MC2R: variants seen among roughly 807,000 people sequenced by gnomAD.
The protein encoded by MC2R is melanocortin 2 receptor.
A neutral mutation model predicts 9.8 loss-of-function variants in MC2R; 9 were observed. That is an observed-to-expected ratio of 0.92 (90% CI 0.55 to 1.60). MC2R has a LOEUF of 1.60. Among genes scored for constraint, MC2R ranks in the 40% most tolerant of loss-of-function variants. The probability of loss-of-function intolerance (pLI) is 0.00; values close to 1 mark genes in which losing one functional copy is unlikely to be tolerated. For synonymous variants in MC2R, 185 were observed against 154.7 expected, an observed-to-expected ratio of 1.20 and a Z score of -1.45; for missense variants, 370 against 389.0, an observed-to-expected ratio of 0.95 and a Z score of 0.41.
chr18:13,909,591 G>C (rs2045433069), intron 1 of MC2R, among the ~76,000 whole-genome samples: 1 of 152,166 alleles, frequency 6.6e-6, no homozygotes, highest in South Asian at 2.1e-4. Flanking sequence ...GTTTCTATCA[G>C]TATGAATGCA....
chr18:13,882,386 GA>G lies in MC2R; in HGVS notation c.*2238del, dbSNP rs1301700185. The G allele has an allele frequency of 2.0e-5, 3 of 152,212 alleles. No individual in the cohort carries two copies. Among genetic ancestry groups the G allele is most frequent in the Non-Finnish European group, 4.4e-5 (3 of 68,036 alleles). The allele number at this position is 152,212 out of a possible 1,614,324, so 9.4% of individuals were successfully genotyped here. The stretch of plus-strand genomic sequence containing the variant: ...GGAATATAGCAGAAGACCTAGAATT[GA>G]AAATGTCTGGAATTGCAAGTTCTCT... On this transcript the variant is annotated 3_prime_UTR_variant, in exon 2 of 2. Coordinates refer to ENST00000327606, the MANE Select transcript of MC2R (RefSeq NM_000529.2).
rs182214699 is a variant in MC2R, at chr18:13,906,154, C to A, written c.-129+9334G>T. On this transcript the variant is annotated intron_variant, in intron 1 of 1. Transcript: ENST00000327606. ...CGTATGTTTATTGCAGCACTATTTACAATAGCAAAGACATGGTACCAACCC... is the reference window on the plus strand; with the variant it reads ...CGTATGTTTATTGCAGCACTATTTAAAATAGCAAAGACATGGTACCAACCC... Among the ~76,000 whole-genome samples, 427 of 152,266 alleles carry A rather than the reference C, an allele frequency of 2.8e-3. 2 individuals carry two copies. Among genetic ancestry groups the A allele is most frequent in the Non-Finnish European group, 4.0e-3 (271 of 68,016 alleles).
chr18:13,889,577 C>G (rs1272134014), intron 1 of MC2R, among the ~76,000 whole-genome samples: 1 of 152,098 alleles, frequency 6.6e-6, no homozygotes, highest in Non-Finnish European at 1.5e-5. Context: ...AACATGGCCC[C>G]GGATAACTCA....
At position 13,897,270 on chromosome 18, in the gene MC2R, T is replaced by C. The variant is rs1246070461; in HGVS notation, c.-128-11624A>G. Among the ~76,000 whole-genome samples, 5 of 152,230 alleles carry C rather than the reference T, an allele frequency of 3.3e-5. No homozygotes were observed. The South Asian group carries it at 8.3e-4, about 25-fold the overall frequency. ...TGGTGTCTTATTAGAATAGAAAAGA[T>C]AACCAGACTACACTCGGCTGACACC... is the stretch of plus-strand genomic sequence containing the variant. On this transcript the variant is annotated intron_variant, in intron 1 of 1. Transcript: ENST00000327606.
At chr18:13,901,824 T>C (rs750527123) in intron 1 of MC2R, among the ~76,000 whole-genome samples, 4 of 152,074 alleles carry the variant, frequency 2.6e-5, no homozygotes, top group Non-Finnish European at 5.9e-5. Flanking sequence ...CTAGTACCAA[T>C]CCTACTCAAA....
At chr18:13,888,408 T>C (rs1401740551) in intron 1 of MC2R, among the ~76,000 whole-genome samples, 1 of 152,238 alleles carries the variant, frequency 6.6e-6, no homozygotes, top group Non-Finnish European at 1.5e-5. Context: ...GTGGCCTTTA[T>C]GAGTGCTCAG....
intron 1 of MC2R, among the ~76,000 whole-genome samples, chr18:13,891,875 C>T (rs1368213312): frequency 1.3e-5 from 2 of 152,214 alleles, no homozygotes; most frequent in African/African-American, 2.4e-5. Flanking sequence ...GTCTTTATTA[C>T]TGATTAGTGC....
chr18:13,904,298 G>A lies in MC2R; in HGVS notation c.-129+11190C>T, dbSNP rs138239120. 2.0e-3 allele frequency among the ~76,000 whole-genome samples: 295 copies of A among 150,218 alleles called. 2 individuals carry two copies. Among genetic ancestry groups the A allele is most frequent in the African/African-American group, 6.8e-3 (276 of 40,780 alleles). ...CCGGAGGCTGAGGCAGGAGAATGGCGTGAACCCGGGAGGCAGAGTTTGCAG... is the reference window on the plus strand; with the variant it reads ...CCGGAGGCTGAGGCAGGAGAATGGCATGAACCCGGGAGGCAGAGTTTGCAG... On this transcript the variant is annotated intron_variant, in intron 1 of 1. Coordinates refer to ENST00000327606, the MANE Select transcript of MC2R (RefSeq NM_000529.2).
chr18:13,913,049 T>C (rs1369793564), intron 1 of MC2R, among the ~76,000 whole-genome samples: 4 of 152,198 alleles, frequency 2.6e-5, no homozygotes, highest in African/African-American at 9.6e-5. Context: ...CAGTATAATT[T>C]CTTTTTTAAT....
At position 13,906,425 on chromosome 18, in the gene MC2R, G is replaced by A. The variant is rs576851526; in HGVS notation, c.-129+9063C>T. Among the ~76,000 whole-genome samples, 36 of 152,154 alleles carry A rather than the reference G, an allele frequency of 2.4e-4. No individual in the cohort carries two copies. In the South Asian group the frequency reaches 7.3e-3, roughly 31 times the overall value. On this transcript the variant is annotated intron_variant, in intron 1 of 1. Transcript: ENST00000327606. ...AGGTGAACAACACACACCAGGGCCT[G>A]TTGGGGGGTGGGAGGTGAGGGGAGG...
In MC2R at chr18:13,884,980, G is replaced by T. The variant is rs1450506072; in HGVS notation, c.539C>A (p.Ser180Ter). 1 of 1,614,018 alleles carries T rather than the reference G, an allele frequency of 6.2e-7. No homozygotes were observed. Among genetic ancestry groups the T allele is most frequent in the Admixed American group, 1.7e-5 (1 of 60,010 alleles). ...HHVPTVITFT[S>*]LFPLMLVFIL... ...GAAGACCAGCATCAGCGGGAACAGCGACGTGAAGGTGATCACTGTGGGCAC... is the reference window on the plus strand; with the variant it reads ...GAAGACCAGCATCAGCGGGAACAGCTACGTGAAGGTGATCACTGTGGGCAC... The change falls in exon 2 of 2, where the codon TCG (serine) becomes TAG (stop). Residue 180 changes from serine (S) to a stop codon, truncating the protein, a stop_gained. Transcript: ENST00000327606. LOFTEE classifies it high-confidence loss of function.
chr18:13,905,360 C>T (rs2045407048), intron 1 of MC2R, among the ~76,000 whole-genome samples: 2 of 152,022 alleles, frequency 1.3e-5, no homozygotes, highest in East Asian at 1.9e-4. Context: ...GTGGCGTGTG[C>T]CTGTAGTTCC....
chr18:13,908,093 A>G (rs8094840), intron 1 of MC2R, among the ~76,000 whole-genome samples: 73,909 of 152,054 alleles, frequency 0.49, 18,404 homozygotes, highest in Middle Eastern at 0.61. Flanking sequence ...TGTTTATTGC[A>G]GCATTATTCA....
At chr18:13,896,770 G>GT (rs1381488448) in intron 1 of MC2R, among the ~76,000 whole-genome samples, 1 of 152,140 alleles carries the variant, frequency 6.6e-6, no homozygotes, top group African/African-American at 2.4e-5. Flanking sequence ...AATCAATGAT[G>GT]TTTACAAAGA....
At chr18:13,909,781 C>A (rs922715746) in intron 1 of MC2R, among the ~76,000 whole-genome samples, 1 of 152,182 alleles carries the variant, frequency 6.6e-6, no homozygotes, top group Non-Finnish European at 1.5e-5. Flanking sequence ...CAAGATGTTC[C>A]AGGCTCAACT....
chr18:13,897,067 G>T (rs1037941811), intron 1 of MC2R, among the ~76,000 whole-genome samples: 3 of 152,164 alleles, frequency 2.0e-5, no homozygotes, highest in African/African-American at 7.2e-5. Context: ...AATCAGGCGA[G>T]CCCTCATGGT....
rs577839900 is a variant in MC2R at position 13,893,295 on chromosome 18, T to C, written c.-128-7649A>G. ...TGGCGTGGGGTGGCGAGATGGCTAA[T>C]ATGGAAGAGTATGAGTATTGATAGT... On this transcript the variant is annotated intron_variant, in intron 1 of 1. Coordinates refer to ENST00000327606, the MANE Select transcript of MC2R (RefSeq NM_000529.2). Among the ~76,000 whole-genome samples the C allele has an allele frequency of 3.9e-5, 6 of 152,352 alleles. No homozygotes were observed. The South Asian group carries it at 1.2e-3, about 32-fold the overall frequency.
At chr18:13,902,208 A>G in intron 1 of MC2R, among the ~76,000 whole-genome samples, 1 of 152,164 alleles carries the variant, frequency 6.6e-6, no homozygotes, top group East Asian at 1.9e-4. Flanking sequence ...ATCTCTTTAT[A>G]ATAAAACCAT....
At chr18:13,896,314 A>G (rs1375160424) in intron 1 of MC2R, among the ~76,000 whole-genome samples, 1 of 152,226 alleles carries the variant, frequency 6.6e-6, no homozygotes, top group East Asian at 1.9e-4. Flanking sequence ...ACCTAGAAGC[A>G]GCCATTCCCT....
Sources: allele counts gnomAD v4.1 joint callset (sites outside exome capture counted in the v4.1 genomes callset), GRCh38; gene constraint gnomAD v4.1.1; transcripts MANE v1.5; gene names NCBI Gene and HGNC (gene_info 2026-07-23, HGNC 2026-07-21).